SLC30A9: variants seen among roughly 807,000 people sequenced by gnomAD.
SLC30A9 encodes the protein proton-coupled zinc antiporter SLC30A9, mitochondrial.
A neutral mutation model predicts 87.5 loss-of-function variants in SLC30A9; 58 were observed. The observed-to-expected ratio is 0.66, with a 90% confidence interval of 0.54 to 0.82. SLC30A9 has a LOEUF of 0.82. Ranked by LOEUF, SLC30A9 falls within the 40% of genes least tolerant of loss-of-function variation. The probability of loss-of-function intolerance (pLI) is 0.00; values close to 1 mark genes in which losing one functional copy is unlikely to be tolerated. For synonymous variants in SLC30A9, 234 were observed against 233.0 expected, an observed-to-expected ratio of 1.00 and a Z score of -0.04; for missense variants, 557 against 679.1, an observed-to-expected ratio of 0.82 and a Z score of 2.00.
chr4:42,029,591 G>T lies in SLC30A9; in HGVS notation c.611-5684G>T. Reference sequence around the variant, plus strand: ...AAGGATGACATGATTTTTGAAAATTGTGACAATGTGCCCAGTGAACCCAAA... The same window carrying T: ...AAGGATGACATGATTTTTGAAAATTTTGACAATGTGCCCAGTGAACCCAAA... On this transcript the variant is annotated intron_variant, in intron 6 of 17. Transcript: ENST00000264451. 4.3e-6 allele frequency: 3 copies of T among 700,492 alleles called. No individual in the cohort carries two copies. The East Asian group carries it at 7.5e-5, about 17-fold the overall frequency. 43.4% of individuals were successfully genotyped at this position (700,492 alleles called of 1,614,324 possible). A position where few individuals can be genotyped will look rare whatever the true frequency, so the allele number is the denominator to read the frequency against.
chr4:42,085,810 G>A (rs918247454), intron 17 of SLC30A9, among the ~76,000 whole-genome samples: 6 of 151,496 alleles, frequency 4.0e-5, no homozygotes, highest in South Asian at 4.2e-4. Context: ...CCAGTGCTTC[G>A]CAATGCTTGG....
intron 9 of SLC30A9, among the ~76,000 whole-genome samples, chr4:42,050,024 G>GT (rs1717324459): frequency 1.3e-5 from 2 of 152,072 alleles, no homozygotes; most frequent in Non-Finnish European, 2.9e-5. Context: ...ATATTAAGAG[G>GT]ATACCTTTTC....
At chr4:42,045,457 A>G (rs1012933060) in intron 8 of SLC30A9, among the ~76,000 whole-genome samples, 3 of 152,170 alleles carry the variant, frequency 2.0e-5, no homozygotes, top group Non-Finnish European at 2.9e-5. Context: ...AAACTAGAAG[A>G]TCTAGAAGAA....
At chr4:42,055,489 C>CG (rs1248854795) in intron 9 of SLC30A9, among the ~76,000 whole-genome samples, 1 of 152,180 alleles carries the variant, frequency 6.6e-6, no homozygotes, top group African/African-American at 2.4e-5. Context: ...CAGGTTCACG[C>CG]CATTCTCCTG....
chr4:42,001,932 C>T (rs74499258), intron 2 of SLC30A9, 152 bp downstream of exon 2: 1 of 549,190 alleles, frequency 1.8e-6, no homozygotes, highest in Non-Finnish European at 3.1e-6. Flanking sequence ...TATTTAATTT[C>T]TTTATTTTTT....
At position 42,035,330 on chromosome 4, in the gene SLC30A9, C is replaced by T. The variant is rs1469208455; in HGVS notation, c.666C>T (p.Thr222=). 4.4e-6 allele frequency: 7 copies of T among 1,602,220 alleles called. No homozygotes were observed. The highest frequency in any genetic ancestry group is 6.0e-6 in the Non-Finnish European group (7 of 1,171,940). Residue 222 remains threonine (T), a synonymous_variant, in exon 7 of 18, where the codon ACC becomes ACT. Coordinates refer to ENST00000264451, the MANE Select transcript of SLC30A9 (RefSeq NM_006345.4). ...AATACAGAGATTTCTTGGGAAATAC[C>T]AAGGTATGGATATCTTTGTAATAAT... ...LREYRDFLGN[T]KPRSRTASVF... is the part of the protein sequence containing the mutation.
In SLC30A9 at chr4:42,087,761, T is replaced by C. The variant is rs1052183131; in HGVS notation, c.*1635T>C. On this transcript the variant is annotated 3_prime_UTR_variant, in exon 18 of 18. Coordinates refer to ENST00000264451, the MANE Select transcript of SLC30A9 (RefSeq NM_006345.4). ...TATCCCTTCTTTACAAAAAAAACTT[T>C]TTTTTTACCTGTTATGATTTATTCT... is the stretch of plus-strand genomic sequence containing the variant. 6.6e-6 allele frequency: 1 copy of C among 151,780 alleles called. No homozygotes were observed. The highest frequency in any genetic ancestry group is 1.5e-5 in the Non-Finnish European group (1 of 67,952). The allele number at this position is 151,780 out of a possible 1,614,324, so 9.4% of individuals were successfully genotyped here.
At chr4:42,054,398 T>C (rs1717516789) in intron 9 of SLC30A9, among the ~76,000 whole-genome samples, 1 of 152,132 alleles carries the variant, frequency 6.6e-6, no homozygotes. Flanking sequence ...GATTTGTGCA[T>C]TTCATTGTAT....
intron 2 of SLC30A9, among the ~76,000 whole-genome samples, chr4:42,005,566 G>T (rs1715165937): frequency 6.6e-6 from 1 of 152,160 alleles, no homozygotes; most frequent in Non-Finnish European, 1.5e-5. Context: ...GCAGAACCTA[G>T]TCTTATTCTC....
chr4:41,993,932 G>A (rs1351964289), intron 1 of SLC30A9, among the ~76,000 whole-genome samples: 2 of 152,096 alleles, frequency 1.3e-5, no homozygotes, highest in Non-Finnish European at 2.9e-5. Flanking sequence ...CGAGGTAGGG[G>A]GATCACCTGA....
In SLC30A9 at chr4:42,067,077, A is replaced by C. The variant is rs769629339; in HGVS notation, c.1145-8A>C. ...ATTTTCTTGTCTTGTCTCTTCCCCAATGACTAGTAATGGAAAGTCGTGATC... is the reference window on the plus strand; with the variant it reads ...ATTTTCTTGTCTTGTCTCTTCCCCACTGACTAGTAATGGAAAGTCGTGATC... On this transcript the variant is annotated splice_polypyrimidine_tract_variant and splice_region_variant and intron_variant, in intron 13 of 17. Coordinates refer to ENST00000264451, the MANE Select transcript of SLC30A9 (RefSeq NM_006345.4). 6.4e-7 allele frequency: 1 copy of C among 1,555,560 alleles called. No individual in the cohort carries two copies. Among genetic ancestry groups the C allele is most frequent in the African/African-American group, 1.4e-5 (1 of 73,754 alleles).
At chr4:42,020,782 A>G (rs944536161) in intron 4 of SLC30A9, 9 of 288,114 alleles carry the variant, frequency 3.1e-5, no homozygotes, top group African/African-American at 1.9e-4. Context: ...ATCACACAAG[A>G]ATCTTAGGAG....
intron 15 of SLC30A9, among the ~76,000 whole-genome samples, chr4:42,073,337 T>C (rs34257025): frequency 0.6 from 91,683 of 152,196 alleles, 33,005 homozygotes; most frequent in East Asian, 0.95. Flanking sequence ...AAAAAAGAGC[T>C]ATAAACTGAA....
chr4:42,079,844 C>T (rs779823546), intron 17 of SLC30A9, among the ~76,000 whole-genome samples: 9 of 151,946 alleles, frequency 5.9e-5, no homozygotes, highest in Admixed American at 6.6e-5. Flanking sequence ...TCTTGAACTC[C>T]TGACCTTGTG....
At chr4:42,081,999 C>T (rs374652035) in intron 17 of SLC30A9, among the ~76,000 whole-genome samples, 56 of 151,854 alleles carry the variant, frequency 3.7e-4, no homozygotes, top group East Asian at 2.9e-3. Flanking sequence ...GGGTGGATCA[C>T]GAGGTCAGGA....
chr4:42,035,223 C>T (rs945200189), intron 6 of SLC30A9, 52 bp from the exon 7 acceptor site: 1 of 1,531,298 alleles, frequency 6.5e-7, no homozygotes, highest in Non-Finnish European at 9.0e-7. Flanking sequence ...TTCATCTAAA[C>T]TGTGACTGGT....
chr4:42,036,068 A>G (rs1163954397), intron 7 of SLC30A9, among the ~76,000 whole-genome samples: 1 of 152,138 alleles, frequency 6.6e-6, no homozygotes, highest in Non-Finnish European at 1.5e-5. Context: ...TCTTCCTTAT[A>G]TGACTATACA....
chr4:42,011,143 G>A (rs1356198398), intron 2 of SLC30A9, among the ~76,000 whole-genome samples: 2 of 152,146 alleles, frequency 1.3e-5, no homozygotes, highest in African/African-American at 4.8e-5. Context: ...GAAGAAAAGA[G>A]GTTTAATTGA....
At chr4:42,038,079 G>A (rs1001986596) in intron 7 of SLC30A9, among the ~76,000 whole-genome samples, 1 of 152,092 alleles carries the variant, frequency 6.6e-6, no homozygotes, top group Non-Finnish European at 1.5e-5. Flanking sequence ...ACCTGATTAT[G>A]GAATTTTTGA....
Sources: gnomAD v4.1 joint callset for allele counts (sites outside exome capture counted in the v4.1 genomes callset) on GRCh38, gnomAD v4.1.1 for gene constraint, MANE v1.5 for transcripts, NCBI Gene and HGNC (gene_info 2026-07-23, HGNC 2026-07-21) for gene names.